TTC29: variants seen among roughly 807,000 people sequenced by gnomAD.
TTC29 encodes the protein tetratricopeptide repeat protein 29.
Under a neutral mutation model 58.1 loss-of-function variants are expected in TTC29, and 49 were observed. The ratio of observed to expected loss-of-function variants is 0.84; its 90% CI spans 0.67 to 1.07. The LOEUF is 1.07. Among genes scored for constraint, TTC29 ranks in the 50% least tolerant of loss-of-function variants. TTC29 has a pLI of 0.00. For synonymous variants in TTC29, 209 were observed against 196.8 expected (o/e 1.06, Z -0.52); for missense variants, 582 against 555.6 (o/e 1.05, Z -0.48).
intron 6 of TTC29, among the ~76,000 whole-genome samples, chr4:146,879,423 T>C (rs10003411): frequency 0.19 from 28,181 of 152,132 alleles, 4,109 homozygotes; most frequent in African/African-American, 0.4. Flanking sequence ...TAAGACTAGA[T>C]ATTTATTAAG....
At chr4:146,867,648 C>T in intron 7 of TTC29, 65 bp from the exon 8 acceptor site, 2 of 771,610 alleles carry the variant, frequency 2.6e-6, no homozygotes, top group Non-Finnish European at 4.0e-6. Context: ...CAAACAGAAT[C>T]CTTGCTTTTC....
intron 11 of TTC29, among the ~76,000 whole-genome samples, chr4:146,714,903 T>C (rs1226305208): frequency 6.6e-6 from 1 of 152,168 alleles, no homozygotes; most frequent in Non-Finnish European, 1.5e-5. Flanking sequence ...GGGTCTCGCT[T>C]GCTGCAGCCT....
chr4:146,916,977 C>A (rs1734263718), intron 4 of TTC29, among the ~76,000 whole-genome samples: 1 of 151,150 alleles, frequency 6.6e-6, no homozygotes, highest in Non-Finnish European at 1.5e-5. Context: ...TATACTTAAA[C>A]ATTCACATAT....
intron 4 of TTC29, among the ~76,000 whole-genome samples, chr4:146,911,812 A>C (rs1464264784): frequency 6.6e-6 from 1 of 152,164 alleles, no homozygotes; most frequent in Non-Finnish European, 1.5e-5. Context: ...GCGGATTTCC[A>C]CTTGTTTATT....
At chr4:146,707,308 TTAACC>T (rs1742030647) in intron 12 of TTC29, 120 bp from the exon 13 acceptor site, 2 of 822,430 alleles carry the variant, frequency 2.4e-6, no homozygotes, top group South Asian at 2.1e-5. Context: ...TTAAAAATAC[TTAACC>T]TTATGTGACA....
intron 11 of TTC29, among the ~76,000 whole-genome samples, chr4:146,798,446 C>G (rs1749976142): frequency 6.6e-6 from 1 of 152,060 alleles, no homozygotes. Flanking sequence ...ATCAAATACA[C>G]TTGGTCTTCC....
rs768556499 is a variant in TTC29 at position 146,707,131 on chromosome 4, T to G, written c.*27A>C. The G allele has an allele frequency of 6.6e-7, 1 of 1,511,428 alleles. No homozygotes were observed. The highest frequency in any genetic ancestry group is 1.3e-5 in the South Asian group (1 of 75,666). 93.6% of individuals were successfully genotyped at this position (1,511,428 alleles called of 1,614,324 possible). A position where few individuals can be genotyped will look rare whatever the true frequency, so the allele number is the denominator to read the frequency against. ...TAAGGTGACATGATGGATTTCTTCTTGCTTTGATGTTAAGTGAAAAGCTGC... is the reference window on the plus strand; with the variant it reads ...TAAGGTGACATGATGGATTTCTTCTGGCTTTGATGTTAAGTGAAAAGCTGC... On this transcript the variant is annotated 3_prime_UTR_variant, in exon 13 of 13. Coordinates refer to ENST00000325106, the MANE Select transcript of TTC29 (RefSeq NM_031956.4).
chr4:146,844,946 C>T (rs1016808721), intron 8 of TTC29, among the ~76,000 whole-genome samples: 1 of 152,140 alleles, frequency 6.6e-6, no homozygotes, highest in African/African-American at 2.4e-5. Context: ...GACCAACTGA[C>T]TCGTGTCAGC....
At chr4:146,843,928 C>T (rs891349382) in intron 8 of TTC29, among the ~76,000 whole-genome samples, 2 of 152,118 alleles carry the variant, frequency 1.3e-5, no homozygotes, top group Admixed American at 6.6e-5. Context: ...AATGTCCCTA[C>T]ATTAGAATAA....
At chr4:146,893,478 A>G (rs1033187270) in intron 6 of TTC29, among the ~76,000 whole-genome samples, 2 of 152,226 alleles carry the variant, frequency 1.3e-5, no homozygotes, top group Non-Finnish European at 2.9e-5. Context: ...GGCTAGCCGT[A>G]TATATCAAAA....
At chr4:146,711,900 A>G (rs561939062) in intron 11 of TTC29, among the ~76,000 whole-genome samples, 2 of 152,196 alleles carry the variant, frequency 1.3e-5, no homozygotes, top group East Asian at 3.9e-4. Context: ...TTATAATATG[A>G]TTTTACAAGG....
intron 8 of TTC29, among the ~76,000 whole-genome samples, chr4:146,845,725 C>T (rs1331025190): frequency 2.6e-5 from 4 of 152,156 alleles, no homozygotes; most frequent in Admixed American, 6.5e-5. Flanking sequence ...GCCCAGCTCT[C>T]TCTGCCTCCA....
intron 11 of TTC29, among the ~76,000 whole-genome samples, chr4:146,794,768 A>C (rs1399424792): frequency 6.6e-6 from 1 of 152,088 alleles, no homozygotes; most frequent in Non-Finnish European, 1.5e-5. Flanking sequence ...TTAGCTGCCG[A>C]TATCATGAAA....
At chr4:146,713,287 T>TTCCTCCTCCTCC (rs144211688) in intron 11 of TTC29, among the ~76,000 whole-genome samples, 25 of 150,070 alleles carry the variant, frequency 1.7e-4, no homozygotes, top group African/African-American at 6.1e-4. Flanking sequence ...TTTATTCGTT[T>TTCCTCCTCCTCC]TCCTCCTCCT....
At chr4:146,912,425 C>T (rs943325309) in intron 4 of TTC29, among the ~76,000 whole-genome samples, 6 of 152,130 alleles carry the variant, frequency 3.9e-5, no homozygotes, top group African/African-American at 1.4e-4. Context: ...ACTGTATGGT[C>T]TGTATTTCTA....
At chr4:146,807,093 A>G (rs1367558739) in intron 10 of TTC29, among the ~76,000 whole-genome samples, 1 of 152,186 alleles carries the variant, frequency 6.6e-6, no homozygotes, top group African/African-American at 2.4e-5. Flanking sequence ...CTCACTCAAA[A>G]CTGCACAACT....
At chr4:146,941,169 G>A (rs1736355024) in intron 2 of TTC29, among the ~76,000 whole-genome samples, 1 of 152,178 alleles carries the variant, frequency 6.6e-6, no homozygotes, top group Non-Finnish European at 1.5e-5. Flanking sequence ...CCATGCTTCT[G>A]TTAAATAGAG....
intron 6 of TTC29, among the ~76,000 whole-genome samples, chr4:146,888,317 G>A (rs1393950587): frequency 6.6e-6 from 1 of 152,158 alleles, no homozygotes; most frequent in Non-Finnish European, 1.5e-5. Flanking sequence ...GGAAGAATGA[G>A]ATATGATGAA....
At chr4:146,812,012 A>G (rs1751056393) in intron 10 of TTC29, among the ~76,000 whole-genome samples, 1 of 151,768 alleles carries the variant, frequency 6.6e-6, no homozygotes, top group African/African-American at 2.4e-5. Flanking sequence ...GGCATAAAAC[A>G]TAAAATTTAT....
Sources: gnomAD v4.1 joint callset for allele counts (sites outside exome capture counted in the v4.1 genomes callset) on GRCh38, gnomAD v4.1.1 for gene constraint, MANE v1.5 for transcripts, NCBI Gene and HGNC (gene_info 2026-07-23, HGNC 2026-07-21) for gene names.